Variants in DAB1 observed in about 807,000 individuals in gnomAD.
DAB1 encodes disabled homolog 1.
A neutral mutation model predicts 64.6 loss-of-function variants in DAB1; 15 were observed. The ratio of observed to expected loss-of-function variants is 0.23; its 90% confidence interval spans 0.16 to 0.36. The LOEUF (loss-of-function observed/expected upper bound fraction) is 0.36, where lower values mean the gene tolerates loss of function less well. Ranked by LOEUF, DAB1 falls within the 10% of genes least tolerant of loss-of-function variation. The pLI, the probability that DAB1 is intolerant of heterozygous loss-of-function variation, is 1.00. For missense variants in DAB1, 596 were observed against 706.7 expected (o/e 0.84, Z 1.78); for synonymous variants, 235 against 251.9 (o/e 0.93, Z 0.64).
Position 58,076,213 on chromosome 1 carries a change from G to A in DAB1, n.387+74298C>T, listed in dbSNP as rs79000684. On this transcript the variant is annotated intron_variant and non_coding_transcript_variant, in intron 5 of 20. Coordinates refer to the DAB1 transcript ENST00000485760. ...TGTCTATTTACTCTCTTAATCTTCA[G>A]AACAACTATATATGTATACTAATAT... is the stretch of plus-strand genomic sequence containing the variant. 5.7e-4 allele frequency among the ~76,000 whole-genome samples: 86 copies of A among 152,194 alleles called. 1 individual carries two copies. The highest frequency in any genetic ancestry group is 5.2e-3 in the Admixed American group (80 of 15,260).
At chr1:57,627,253 C>T (rs1161024333) in intron 7 of DAB1, among the ~76,000 whole-genome samples, 2 of 152,160 alleles carry the variant, frequency 1.3e-5, no homozygotes, top group Non-Finnish European at 2.9e-5. Flanking sequence ...GGTTCTCAGG[C>T]CTTCAGACTG....
intron 7 of DAB1, among the ~76,000 whole-genome samples, chr1:57,603,161 G>C (rs891596435): frequency 6.6e-6 from 1 of 152,048 alleles, no homozygotes; most frequent in Admixed American, 6.5e-5. Flanking sequence ...TAGTAGAGAG[G>C]GGGGTTTCTC....
chr1:58,541,996 T>C (rs957138554), intron 1 of DAB1, among the ~76,000 whole-genome samples: 4 of 152,212 alleles, frequency 2.6e-5, no homozygotes, highest in African/African-American at 9.6e-5. Context: ...TACGATATTA[T>C]CTAGAAAGAT....
intron 5 of DAB1, among the ~76,000 whole-genome samples, chr1:57,919,467 G>T (rs942278286): frequency 6.6e-6 from 1 of 152,192 alleles, no homozygotes; most frequent in Non-Finnish European, 1.5e-5. Flanking sequence ...CACACCCTGG[G>T]GTCAGAGGCA....
intron 4 of DAB1, among the ~76,000 whole-genome samples, chr1:57,119,489 A>G (rs552279624): frequency 3.4e-4 from 52 of 152,260 alleles, no homozygotes; most frequent in African/African-American, 1.1e-3. Context: ...TTCATACTAT[A>G]CATGAATGTA....
intron 6 of DAB1, among the ~76,000 whole-genome samples, chr1:57,781,112 CTCTCTCTCTCTCTCTATATA>C (rs1408659521): frequency 6.4e-5 from 4 of 62,650 alleles, no homozygotes; most frequent in East Asian, 4.1e-4. Context: ...CTCTCTCTCT[CTCTCTCTCTCTCTCTATATA>C]TATATATATA....
At chr1:58,400,013 A>C (rs1482304379) in intron 3 of DAB1, among the ~76,000 whole-genome samples, 1 of 152,120 alleles carries the variant, frequency 6.6e-6, no homozygotes, top group African/African-American at 2.4e-5. Flanking sequence ...TAATAAATAA[A>C]TAAATAAATT....
At chr1:57,577,917 C>T (rs888064765) in intron 7 of DAB1, among the ~76,000 whole-genome samples, 5 of 152,258 alleles carry the variant, frequency 3.3e-5, no homozygotes, top group African/African-American at 9.6e-5. Flanking sequence ...CTCCAATGAG[C>T]AGAGGAAATA....
At chr1:58,451,462 G>A (rs1350121958) in intron 3 of DAB1, among the ~76,000 whole-genome samples, 1 of 152,192 alleles carries the variant, frequency 6.6e-6, no homozygotes, top group Non-Finnish European at 1.5e-5. Context: ...AGTCTTTAGT[G>A]AAGAAATGGG....
intron 4 of DAB1, among the ~76,000 whole-genome samples, chr1:58,161,813 A>T (rs1413326792): frequency 6.6e-6 from 1 of 152,132 alleles, no homozygotes; most frequent in Non-Finnish European, 1.5e-5. Flanking sequence ...CATTGTCACC[A>T]AGAGCCTGGT....
intron 6 of DAB1, among the ~76,000 whole-genome samples, chr1:57,786,018 C>A (rs1260578926): frequency 2.0e-5 from 3 of 152,154 alleles, no homozygotes; most frequent in Non-Finnish European, 2.9e-5. Context: ...GCAATTACTA[C>A]CCTGATCAAT....
intron 1 of DAB1, among the ~76,000 whole-genome samples, chr1:57,336,212 T>C (rs1431350191): frequency 6.6e-6 from 1 of 152,204 alleles, no homozygotes; most frequent in African/African-American, 2.4e-5. Flanking sequence ...CTCTAATACC[T>C]TGTTATAGCT....
At chr1:58,439,813 G>A (rs1644988319) in intron 3 of DAB1, among the ~76,000 whole-genome samples, 1 of 152,208 alleles carries the variant, frequency 6.6e-6, no homozygotes, top group Admixed American at 6.5e-5. Flanking sequence ...ATTCAAAAGA[G>A]CTGGGGGTGA....
chr1:57,382,047 G>A (rs1681424420), intron 1 of DAB1, among the ~76,000 whole-genome samples: 1 of 152,122 alleles, frequency 6.6e-6, no homozygotes, highest in East Asian at 1.9e-4. Context: ...TGGGGTTGAG[G>A]CTGCTAATTA....
At chr1:57,567,162 C>T (rs1457101881) in intron 7 of DAB1, among the ~76,000 whole-genome samples, 17 of 152,106 alleles carry the variant, frequency 1.1e-4, no homozygotes, top group Non-Finnish European at 5.9e-5. Context: ...ATAAACAGAA[C>T]CAAAGACAAA....
intron 7 of DAB1, among the ~76,000 whole-genome samples, chr1:57,519,859 T>C (rs1644505680): frequency 1.3e-5 from 2 of 152,192 alleles, no homozygotes; most frequent in Non-Finnish European, 2.9e-5. Context: ...ATTTTTATTG[T>C]AAAAGTAATA....
chr1:57,524,416 G>A (rs1644566708), intron 7 of DAB1, among the ~76,000 whole-genome samples: 1 of 152,222 alleles, frequency 6.6e-6, no homozygotes, highest in Admixed American at 6.5e-5. Context: ...TCCATGTGGA[G>A]AGACCACCAA....
chr1:58,283,934 T>A (rs1383442136), intron 4 of DAB1, among the ~76,000 whole-genome samples: 1 of 152,206 alleles, frequency 6.6e-6, no homozygotes, highest in Non-Finnish European at 1.5e-5. Flanking sequence ...AGTGTACGTG[T>A]TTAATACATG....
rs76642632 is a variant in DAB1, at chr1:57,017,659, G to C, written c.896-2228C>G. 4.9e-3 allele frequency among the ~76,000 whole-genome samples: 749 copies of C among 152,236 alleles called. 2 individuals are homozygous for C. Among genetic ancestry groups the C allele is most frequent in the African/African-American group, 0.017 (717 of 41,542 alleles). On this transcript the variant is annotated intron_variant, in intron 11 of 14. Transcript: ENST00000371236. Reference sequence around the variant, plus strand: ...ATCTCGCAGTGTTAAACACTTCTGCGGAATAAAACAATGATGTCAACAAAC... The same window carrying C: ...ATCTCGCAGTGTTAAACACTTCTGCCGAATAAAACAATGATGTCAACAAAC...
Sources: gnomAD v4.1 joint callset for allele counts (sites outside exome capture counted in the v4.1 genomes callset) on GRCh38, gnomAD v4.1.1 for gene constraint, MANE v1.5 for transcripts, NCBI Gene and HGNC (gene_info 2026-07-23, HGNC 2026-07-21) for gene names.